Variants in CUX2 observed in about 807,000 individuals in gnomAD.
CUX2 encodes the protein cut like homeobox 2.
A neutral mutation model predicts 144.8 loss-of-function variants in CUX2; 40 were observed. That is an observed-to-expected ratio of 0.28 (90% CI 0.21 to 0.36). CUX2 has a LOEUF of 0.36. Ranked by LOEUF, CUX2 falls within the 10% of genes least tolerant of loss-of-function variation. CUX2 has a pLI of 1.00. For synonymous variants in CUX2, 827 were observed against 875.6 expected (o/e 0.94, Z 0.98); for missense variants, 1,615 against 1,994.0 (o/e 0.81, Z 3.62).
chr12:111,307,033 T>C lies in CUX2; in HGVS notation c.971T>C (p.Leu324Pro). The change falls in exon 11 of 22, where the codon CTG becomes CCG. Residue 324 changes from leucine to proline, a missense_variant. Around this residue, in one of 12 missense-constraint regions of CUX2, gnomAD observed 295 missense variants for 400.2 expected, o/e 0.74. Coordinates refer to ENST00000261726, the MANE Select transcript of CUX2 (RefSeq NM_015267.4). The surrounding 1 kb of genome is among the most constrained non-coding windows in gnomAD (Gnocchi z 4.1). ...GACGTGCAGCACCTCCAGAGCTCACTGCAGGAGCTGGAGGAGGCATCCGCC... is the reference window on the plus strand; with the variant it reads ...GACGTGCAGCACCTCCAGAGCTCACCGCAGGAGCTGGAGGAGGCATCCGCC... ...LKDVQHLQSS[L>P]QELEEASANQ... is the part of the protein sequence containing the mutation. 1 of 1,613,862 alleles carries C rather than the reference T, an allele frequency of 6.2e-7. No individual in the cohort carries two copies.
intron 3 of CUX2, among the ~76,000 whole-genome samples, chr12:111,261,270 T>G (rs974972033): frequency 6.6e-6 from 1 of 152,164 alleles, no homozygotes; most frequent in Non-Finnish European, 1.5e-5. Context: ...CAGCAGCCAT[T>G]CGGTGATTGA....
intron 4 of CUX2, among the ~76,000 whole-genome samples, chr12:111,280,376 G>A (rs544625406): frequency 1.3e-5 from 2 of 152,122 alleles, no homozygotes; most frequent in Admixed American, 1.3e-4. Context: ...TGCAAGCCAA[G>A]GAAAGCCAGA....
intron 3 of CUX2, among the ~76,000 whole-genome samples, chr12:111,219,679 G>C (rs958698228): frequency 1.3e-5 from 2 of 152,144 alleles, no homozygotes; most frequent in Admixed American, 6.6e-5. Context: ...GCAGGGAAAG[G>C]GTTTAATGTA....
rs199641742 is a variant in CUX2 at position 111,121,357 on chromosome 12, C to CTT, written c.63+87120_63+87121dup. Among the ~76,000 whole-genome samples, 600 of 112,580 alleles carry CTT rather than the reference C, an allele frequency of 5.3e-3. 8 individuals carry two copies. The highest frequency in any genetic ancestry group is 0.019 in the African/African-American group (567 of 30,350). The allele number at this position is 112,580 out of a possible 152,430, so 73.9% of individuals were successfully genotyped here. ...TGTGTTTTTTCTTTCTTTTTGTTTT[C>CTT]TTTTCTTTTTTCTTTTTTTTTTTTT... is the stretch of plus-strand genomic sequence containing the variant. On this transcript the variant is annotated intron_variant, in intron 1 of 21. Coordinates refer to ENST00000261726, the MANE Select transcript of CUX2 (RefSeq NM_015267.4).
In CUX2 at chr12:111,100,009, C is replaced by G. The variant is rs952542333; in HGVS notation, c.63+65769C>G. Reference sequence around the variant, plus strand: ...CCTTTCGCTTTTATTTTTGCACATTCGCTTTTTATTTGCCGGTGGTGCTGC... The same window carrying G: ...CCTTTCGCTTTTATTTTTGCACATTGGCTTTTTATTTGCCGGTGGTGCTGC... On this transcript the variant is annotated intron_variant, in intron 1 of 21. Coordinates refer to ENST00000261726, the MANE Select transcript of CUX2 (RefSeq NM_015267.4). The G allele has an allele frequency of 5.5e-5, 25 of 457,142 alleles. 1 individual carries two copies. Among genetic ancestry groups the G allele is most frequent in the Admixed American group, 4.7e-4 (20 of 42,572 alleles). 28.3% of individuals were successfully genotyped at this position (457,142 alleles called of 1,614,324 possible). A position where few individuals can be genotyped will look rare whatever the true frequency, so the allele number is the denominator to read the frequency against.
At chr12:111,285,364 A>G (rs1885326523) in intron 4 of CUX2, among the ~76,000 whole-genome samples, 1 of 152,078 alleles carries the variant, frequency 6.6e-6, no homozygotes, top group Non-Finnish European at 1.5e-5. Flanking sequence ...AGAGCATCTG[A>G]CCCTCTGCCA....
At chr12:111,325,339 C>T (rs1029823757) in intron 18 of CUX2, among the ~76,000 whole-genome samples, 1 of 152,018 alleles carries the variant, frequency 6.6e-6, no homozygotes, top group Non-Finnish European at 1.5e-5. Context: ...ATGACCGCTG[C>T]CACTTACCAC....
rs142794235 is a variant in CUX2 at position 111,170,961 on chromosome 12, C to T, written c.64-43239C>T. Among the ~76,000 whole-genome samples the T allele has an allele frequency of 3.0e-3, 455 of 152,138 alleles. 2 individuals carry two copies. The highest frequency in any genetic ancestry group is 0.011 in the African/African-American group (441 of 41,496). On this transcript the variant is annotated intron_variant, in intron 1 of 21. Coordinates refer to ENST00000261726, the MANE Select transcript of CUX2 (RefSeq NM_015267.4). ...GATGGACCGGGCCCATGTCTGGCAT[C>T]GGCAATTCTGGTCAAGGTGCATGGG...
Position 111,265,629 on chromosome 12 carries a change from C to T in CUX2, c.301+1790C>T, listed in dbSNP as rs553138502. Among the ~76,000 whole-genome samples the T allele has an allele frequency of 7.2e-5, 11 of 152,220 alleles. No homozygotes were observed. In the East Asian group the frequency reaches 1.7e-3, roughly 24 times the overall value. On this transcript the variant is annotated intron_variant, in intron 4 of 21. Transcript: ENST00000261726. Reference sequence around the variant, plus strand: ...AAGTGCTAGGATTACAGATGTGAGCCACCGCACCCGGCCAAAACTTTCCCT... The same window carrying T: ...AAGTGCTAGGATTACAGATGTGAGCTACCGCACCCGGCCAAAACTTTCCCT...
rs1278092786 is a variant in CUX2, at chr12:111,037,320, C to T, written c.63+3080C>T. 6.6e-6 allele frequency among the ~76,000 whole-genome samples: 1 copy of T among 152,272 alleles called. No homozygotes were observed. Among genetic ancestry groups the T allele is most frequent in the Non-Finnish European group, 1.5e-5 (1 of 68,048 alleles). On this transcript the variant is annotated intron_variant, in intron 1 of 21. Coordinates refer to ENST00000261726, the MANE Select transcript of CUX2 (RefSeq NM_015267.4). This position sits in a 1 kb window ranked among gnomAD's most constrained non-coding sequence, Gnocchi z 5.4. ...CGTGTCCCCAGGCCATACCACGTCG[C>T]TGACGCCATACCGATCCTGGCAAGA...
chr12:111,041,591 A>G (rs1021214293), intron 1 of CUX2, among the ~76,000 whole-genome samples: 4 of 152,234 alleles, frequency 2.6e-5, no homozygotes, highest in African/African-American at 9.6e-5. Context: ...AGCATTTAAA[A>G]CACAAGAGAT....
Position 111,217,948 on chromosome 12 carries a change from G to C in CUX2, c.222+11G>C, listed in dbSNP as rs78545855. 3.8e-3 allele frequency: 6,144 copies of C among 1,613,790 alleles called. 192 individuals are homozygous for C. In the African/African-American group the frequency reaches 0.068, roughly 18 times the overall value. On this transcript the variant is annotated intron_variant, in intron 3 of 21. Transcript: ENST00000261726. ...AGCTTCCAAGCCGAGGTAAGACCCA[G>C]GGCCCACAGCATGTCAGAAAAGTGC...
intron 1 of CUX2, among the ~76,000 whole-genome samples, chr12:111,118,043 G>A (rs1874405729): frequency 6.6e-6 from 1 of 152,160 alleles, no homozygotes; most frequent in African/African-American, 2.4e-5. Flanking sequence ...TTCAGTTGGT[G>A]ATGACCAGAC....
chr12:111,188,069 G>A (rs901431888), intron 1 of CUX2, among the ~76,000 whole-genome samples: 2 of 152,226 alleles, frequency 1.3e-5, no homozygotes, highest in East Asian at 1.9e-4. Flanking sequence ...CCTGGAAATC[G>A]ATGACAGCTG....
intron 1 of CUX2, among the ~76,000 whole-genome samples, chr12:111,053,972 T>C (rs1439000538): frequency 6.6e-6 from 1 of 152,110 alleles, no homozygotes; most frequent in African/African-American, 2.4e-5. Context: ...CTGGCCAATG[T>C]GGTGAAACCT....
intron 1 of CUX2, among the ~76,000 whole-genome samples, chr12:111,166,788 A>G (rs1878172535): frequency 1.3e-5 from 2 of 152,132 alleles, no homozygotes. Context: ...CCCAGGACCG[A>G]GAAGTCCTGA....
intron 4 of CUX2, among the ~76,000 whole-genome samples, chr12:111,278,667 A>G (rs1884988922): frequency 6.6e-6 from 1 of 152,204 alleles, no homozygotes; most frequent in African/African-American, 2.4e-5. Flanking sequence ...CTCGGGAATG[A>G]AAAACAAGAT....
chr12:111,336,467 G>A (rs1179680714), intron 19 of CUX2, among the ~76,000 whole-genome samples: 3 of 142,048 alleles, frequency 2.1e-5, no homozygotes, highest in Admixed American at 2.1e-4. Flanking sequence ...TGTTTAAGAT[G>A]GAGTCTCCTG....
rs148409671 is a variant in CUX2, at chr12:111,312,824, C to G, written c.2002+623C>G. 6.6e-6 allele frequency among the ~76,000 whole-genome samples: 1 copy of G among 152,188 alleles called. No homozygotes were observed. The highest frequency in any genetic ancestry group is 1.5e-5 in the Non-Finnish European group (1 of 68,044). On this transcript the variant is annotated intron_variant, in intron 16 of 21. Transcript: ENST00000261726. This position sits in a 1 kb window ranked among gnomAD's most constrained non-coding sequence, Gnocchi z 4.3. ...CCCAGCTGCCGTGCACTCCACCCTG[C>G]GCCTCTGATGCTGTCCTTACCCCAG...
Sources: allele counts gnomAD v4.1 joint callset (sites outside exome capture counted in the v4.1 genomes callset), GRCh38; gene constraint gnomAD v4.1.1; regional missense constraint gnomAD v4.1.1; non-coding constraint Gnocchi (gnomAD v3.1); transcripts MANE v1.5; gene names NCBI Gene and HGNC (gene_info 2026-07-23, HGNC 2026-07-21).